Variants in EXOC6B observed in about 807,000 individuals in gnomAD.
The protein encoded by EXOC6B is exocyst complex component 6B, also known as SEC15 homolog B.
A neutral mutation model predicts 113.5 loss-of-function variants in EXOC6B; 54 were observed. That is an observed-to-expected ratio of 0.48 (90% CI 0.38 to 0.60). The LOEUF is 0.60. Among genes scored for constraint, EXOC6B ranks in the 20% least tolerant of loss-of-function variants. The probability of loss-of-function intolerance (pLI) is 0.00; values close to 1 mark genes in which losing one functional copy is unlikely to be tolerated. For synonymous variants in EXOC6B, 357 were observed against 339.0 expected (o/e 1.05, Z -0.58); for missense variants, 797 against 977.5 (o/e 0.82, Z 2.46).
chr2:72,704,421 G>C (rs2104655451), intron 6 of EXOC6B, among the ~76,000 whole-genome samples: 1 of 147,764 alleles, frequency 6.8e-6, no homozygotes, highest in East Asian at 2.0e-4. Context: ...AAAAGAACTA[G>C]AAAAGCAAGA....
chr2:72,315,626 A>G (rs1443338072), intron 20 of EXOC6B, among the ~76,000 whole-genome samples: 1 of 152,196 alleles, frequency 6.6e-6, no homozygotes, highest in Non-Finnish European at 1.5e-5. Context: ...GGTTTCTGGT[A>G]TATTTTAAAG....
At chr2:72,648,149 C>T (rs1425916024) in intron 6 of EXOC6B, among the ~76,000 whole-genome samples, 1 of 152,200 alleles carries the variant, frequency 6.6e-6, no homozygotes, top group African/African-American at 2.4e-5. Flanking sequence ...CAGAAGAAGA[C>T]ATTTATGCAG....
intron 1 of EXOC6B, among the ~76,000 whole-genome samples, chr2:72,790,389 G>C (rs966916227): frequency 3.3e-5 from 5 of 152,136 alleles, no homozygotes; most frequent in Non-Finnish European, 7.4e-5. Flanking sequence ...TCTGCATTTA[G>C]TTTTCCATCA....
chr2:72,299,770 T>A (rs879551152), intron 20 of EXOC6B, among the ~76,000 whole-genome samples: 3 of 152,186 alleles, frequency 2.0e-5, no homozygotes, highest in African/African-American at 7.2e-5. Context: ...TTCTGTTTGT[T>A]GGTTTTCCTT....
chr2:72,248,333 T>C (rs1356062553), intron 20 of EXOC6B, among the ~76,000 whole-genome samples: 1 of 152,216 alleles, frequency 6.6e-6, no homozygotes. Flanking sequence ...ATAATCATTT[T>C]ATCATAAATA....
intron 18 of EXOC6B, among the ~76,000 whole-genome samples, chr2:72,436,462 A>C (rs1189516788): frequency 6.6e-6 from 1 of 151,904 alleles, no homozygotes; most frequent in East Asian, 1.9e-4. Context: ...TAGGTTGGGG[A>C]AGTTCTCCTG....
At chr2:72,193,940 T>A (rs887755250) in intron 20 of EXOC6B, among the ~76,000 whole-genome samples, 1 of 152,220 alleles carries the variant, frequency 6.6e-6, no homozygotes, top group Non-Finnish European at 1.5e-5. Context: ...TGTTCATTGA[T>A]TTACATAATT....
intron 20 of EXOC6B, among the ~76,000 whole-genome samples, chr2:72,224,793 CT>C: frequency 7.6e-6 from 1 of 132,250 alleles, no homozygotes; most frequent in South Asian, 2.3e-4. Flanking sequence ...CCACGTCCAG[CT>C]AATCTGTGTG....
intron 1 of EXOC6B, among the ~76,000 whole-genome samples, chr2:72,794,343 G>T (rs1684832741): frequency 6.6e-6 from 1 of 152,088 alleles, no homozygotes; most frequent in Non-Finnish European, 1.5e-5. Context: ...TAACTTTAGG[G>T]TGACCAGAGC....
At chr2:72,366,205 A>C (rs927298412) in intron 19 of EXOC6B, among the ~76,000 whole-genome samples, 1 of 152,110 alleles carries the variant, frequency 6.6e-6, no homozygotes, top group Non-Finnish European at 1.5e-5. Flanking sequence ...TATGTTAACA[A>C]GGTAGAGGAA....
chr2:72,359,820 G>C (rs1690196061), intron 19 of EXOC6B, among the ~76,000 whole-genome samples: 1 of 152,118 alleles, frequency 6.6e-6, no homozygotes, highest in Non-Finnish European at 1.5e-5. Flanking sequence ...TTTGGGTCAT[G>C]GGAGCAGAGC....
intron 6 of EXOC6B, among the ~76,000 whole-genome samples, chr2:72,597,061 A>G (rs1490812521): frequency 6.7e-6 from 1 of 150,022 alleles, no homozygotes; most frequent in Admixed American, 6.6e-5. Flanking sequence ...CCTATATCCA[A>G]TACCCTTAAG....
At chr2:72,724,898 G>A (rs964939411) in intron 5 of EXOC6B, among the ~76,000 whole-genome samples, 1 of 151,938 alleles carries the variant, frequency 6.6e-6, no homozygotes, top group African/African-American at 2.4e-5. Flanking sequence ...TGAGGGGGTG[G>A]GGAGAAAAGA....
intron 6 of EXOC6B, among the ~76,000 whole-genome samples, chr2:72,671,815 G>GA (rs1458742123): frequency 3.2e-5 from 4 of 124,212 alleles, no homozygotes; most frequent in African/African-American, 1.1e-4. Context: ...AAGAAAGAAA[G>GA]AAAGAAGAGA....
intron 20 of EXOC6B, among the ~76,000 whole-genome samples, chr2:72,299,273 A>G (rs754370981): frequency 2.6e-5 from 4 of 151,518 alleles, no homozygotes; most frequent in East Asian, 2.0e-4. Context: ...TGCTTGATCA[A>G]TTCGGCTATT....
intron 20 of EXOC6B, among the ~76,000 whole-genome samples, chr2:72,274,910 C>T (rs140621308): frequency 4.7e-4 from 71 of 152,064 alleles, no homozygotes; most frequent in African/African-American, 1.6e-3. Context: ...GTAACTTTAC[C>T]GTGGAATGAT....
intron 18 of EXOC6B, among the ~76,000 whole-genome samples, chr2:72,435,833 G>T (rs1009439657): frequency 7.9e-5 from 12 of 151,706 alleles, no homozygotes; most frequent in African/African-American, 2.7e-4. Flanking sequence ...GCACACAGAT[G>T]GTCTTGACTC....
intron 8 of EXOC6B, among the ~76,000 whole-genome samples, chr2:72,531,629 T>A (rs942059112): frequency 2.0e-5 from 3 of 152,166 alleles, no homozygotes; most frequent in African/African-American, 4.8e-5. Context: ...AACAAAATGA[T>A]AGCGAGTAGG....
chr2:72,815,484 CCT>C (rs1328084816), intron 1 of EXOC6B, among the ~76,000 whole-genome samples: 2 of 149,042 alleles, frequency 1.3e-5, no homozygotes, highest in East Asian at 3.9e-4. Flanking sequence ...AGGGAGAGAC[CCT>C]GTTTCAAAAA....
Sources: gnomAD v4.1 joint callset for allele counts (sites outside exome capture counted in the v4.1 genomes callset) on GRCh38, gnomAD v4.1.1 for gene constraint, MANE v1.5 for transcripts, NCBI Gene and HGNC (gene_info 2026-07-23, HGNC 2026-07-21) for gene names.